The following SAMD3 variants were observed in gnomAD, a reference collection of about 807,000 sequenced individuals.
The protein encoded by SAMD3 is sterile alpha motif domain containing 3.
SAMD3 carries 63 observed loss-of-function variants against 58.5 expected under a neutral mutation model. The observed-to-expected ratio is 1.08, with a 90% CI of 0.88 to 1.33. SAMD3 has a LOEUF of 1.33. Among genes scored for constraint, SAMD3 ranks in the 40% most tolerant of loss-of-function variants. The pLI is 0.00. For synonymous variants in SAMD3, 220 were observed against 210.3 expected (o/e 1.05, Z -0.40); for missense variants, 604 against 608.4 (o/e 0.99, Z 0.08).
intron 2 of SAMD3, among the ~76,000 whole-genome samples, chr6:130,278,493 T>C (rs1446798273): frequency 4.6e-5 from 7 of 152,172 alleles, no homozygotes; most frequent in African/African-American, 1.7e-4. Flanking sequence ...AAAGAGTATT[T>C]CTTATTCATA....
At chr6:130,287,402 C>T (rs537660736) in intron 2 of SAMD3, among the ~76,000 whole-genome samples, 1 of 152,026 alleles carries the variant, frequency 6.6e-6, no homozygotes, top group East Asian at 1.9e-4. Context: ...TTTATTCCTT[C>T]AACAAATACT....
intron 1 of SAMD3, among the ~76,000 whole-genome samples, chr6:130,333,882 C>A (rs1777019890): frequency 6.6e-6 from 1 of 152,230 alleles, no homozygotes; most frequent in East Asian, 1.9e-4. Context: ...AGGCTGCAGA[C>A]TCTGGGCTTG....
chr6:130,294,068 A>T (rs543250785), intron 2 of SAMD3, among the ~76,000 whole-genome samples: 36 of 152,220 alleles, frequency 2.4e-4, no homozygotes, highest in Non-Finnish European at 3.8e-4. Flanking sequence ...CCCCCAAGAC[A>T]TTCCTTTGGT....
Position 130,246,510 on chromosome 6 carries a change from A to T in SAMD3, c.-187-23697T>A, listed in dbSNP as rs927330026. On this transcript the variant is annotated intron_variant, in intron 2 of 13. Transcript: ENST00000368134. ...ATCATGCCTTGGCACTTGTATTGGT[A>T]TTTTTTTTTTTTTGAGAATGTTGCA... 8.2e-4 allele frequency among the ~76,000 whole-genome samples: 122 copies of T among 148,010 alleles called. 1 individual carries two copies. The highest frequency in any genetic ancestry group is 1.5e-3 in the Non-Finnish European group (99 of 66,694).
intron 2 of SAMD3, among the ~76,000 whole-genome samples, chr6:130,236,025 CA>C (rs1773135141): frequency 6.6e-6 from 1 of 152,126 alleles, no homozygotes; most frequent in Admixed American, 6.5e-5. Flanking sequence ...ATAACCTAAA[CA>C]ATTATTAAAT....
chr6:130,325,701 G>T (rs1211097421), intron 1 of SAMD3, among the ~76,000 whole-genome samples: 1 of 152,202 alleles, frequency 6.6e-6, no homozygotes, highest in Non-Finnish European at 1.5e-5. Flanking sequence ...GCATCACGCT[G>T]TGTATGATTT....
chr6:130,166,502 C>A lies in SAMD3; in HGVS notation c.822+9339G>T, dbSNP rs773130801. On this transcript the variant is annotated intron_variant, in intron 8 of 11. Transcript: ENST00000439090. ...CCACTTTTATTGTATATTAAGTTCC[C>A]AAATAGACTTGGGTGTATTCTGGGC... 6.0e-4 allele frequency among the ~76,000 whole-genome samples: 92 copies of A among 152,252 alleles called. 1 individual carries two copies. The highest frequency in any genetic ancestry group is 5.1e-4 in the Non-Finnish European group (35 of 68,026).
At chr6:130,327,189 A>G (rs576907296) in intron 1 of SAMD3, among the ~76,000 whole-genome samples, 1 of 152,316 alleles carries the variant, frequency 6.6e-6, no homozygotes, top group African/African-American at 2.4e-5. Context: ...GCTATAAATC[A>G]ATGAATTTTA....
chr6:130,204,752 T>G (rs926744148), intron 5 of SAMD3, among the ~76,000 whole-genome samples: 10 of 142,288 alleles, frequency 7.0e-5, no homozygotes. Context: ...CAGAGTCAGG[T>G]GAATTTCCAG....
chr6:130,362,398 G>C (rs909508034), intron 1 of SAMD3, among the ~76,000 whole-genome samples: 1 of 152,174 alleles, frequency 6.6e-6, no homozygotes, highest in Non-Finnish European at 1.5e-5. Flanking sequence ...AGTGGAACAG[G>C]TGGGCCACCA....
intron 1 of SAMD3, among the ~76,000 whole-genome samples, chr6:130,330,299 G>A (rs181028965): frequency 6.6e-6 from 1 of 152,300 alleles, no homozygotes; most frequent in East Asian, 1.9e-4. Context: ...ATTTTGGGGT[G>A]TTGGTATAGA....
chr6:130,342,852 G>C (rs1198945933), intron 1 of SAMD3, among the ~76,000 whole-genome samples: 1 of 152,156 alleles, frequency 6.6e-6, no homozygotes, highest in East Asian at 1.9e-4. Context: ...TCTACAGAGT[G>C]TTAAAGGAAA....
intron 2 of SAMD3, among the ~76,000 whole-genome samples, chr6:130,236,556 G>A (rs1773156034): frequency 6.6e-6 from 1 of 151,984 alleles, no homozygotes; most frequent in East Asian, 1.9e-4. Flanking sequence ...GCTAATTTTT[G>A]TGTTTTTAGT....
At chr6:130,152,917 A>G (rs1196701022) in intron 9 of SAMD3, among the ~76,000 whole-genome samples, 1 of 152,172 alleles carries the variant, frequency 6.6e-6, no homozygotes, top group Non-Finnish European at 1.5e-5. Flanking sequence ...ACTGTCACCA[A>G]TGGTTCTTTG....
At chr6:130,215,128 A>T in intron 3 of SAMD3, 67 bp downstream of exon 3, 1 of 819,072 alleles carries the variant, frequency 1.2e-6, no homozygotes, top group African/African-American at 1.7e-5. Context: ...AGTAATTTTC[A>T]GTAACAGAGG....
chr6:130,275,583 T>C (rs1333748837), intron 2 of SAMD3, among the ~76,000 whole-genome samples: 5 of 152,130 alleles, frequency 3.3e-5, no homozygotes, highest in African/African-American at 1.2e-4. Context: ...CTATTTATGA[T>C]ATAAATTTGA....
chr6:130,287,975 C>G (rs1445652580), intron 2 of SAMD3, among the ~76,000 whole-genome samples: 1 of 150,830 alleles, frequency 6.6e-6, no homozygotes, highest in Non-Finnish European at 1.5e-5. Flanking sequence ...TACAGGTGTG[C>G]TGAAGTCTTG....
chr6:130,160,351 A>G (rs1790179831), intron 8 of SAMD3: 1 of 152,192 alleles, frequency 6.6e-6, no homozygotes. Flanking sequence ...GTGACATTAC[A>G]TTGATTGAAA....
chr6:130,159,644 A>G lies in SAMD3; in HGVS notation c.823-4619T>C, dbSNP rs189549545. On this transcript the variant is annotated intron_variant, in intron 8 of 11. Transcript: ENST00000439090. ...CATAAGACAAATGATTGATAACTCT[A>G]ACTACATTAAAATTGCAACCTTGTC... 4 of 152,342 alleles carry G rather than the reference A, an allele frequency of 2.6e-5. No homozygotes were observed. The East Asian group carries it at 7.7e-4, about 29-fold the overall frequency. The allele number at this position is 152,342 out of a possible 1,614,324, so 9.4% of individuals were successfully genotyped here.
Sources: gnomAD v4.1 joint callset for allele counts (sites outside exome capture counted in the v4.1 genomes callset) on GRCh38, gnomAD v4.1.1 for gene constraint, MANE v1.5 for transcripts, NCBI Gene and HGNC (gene_info 2026-07-23, HGNC 2026-07-21) for gene names.